The following DDHD2 variants were observed in gnomAD, a reference collection of about 807,000 sequenced individuals.
DDHD2 encodes DDHD domain containing 2, also known as triacylglycerol hydrolase DDHD2.
DDHD2 carries 62 observed loss-of-function variants against 91.2 expected under a neutral mutation model. The observed-to-expected ratio is 0.68, with a 90% CI of 0.55 to 0.84. The LOEUF (loss-of-function observed/expected upper bound fraction) is 0.84, where lower values mean the gene tolerates loss of function less well. DDHD2 is among the 40% of genes least tolerant of loss of function. The pLI, the probability that DDHD2 is intolerant of heterozygous loss-of-function variation, is 0.00. For missense variants in DDHD2, 740 were observed against 846.9 expected, an observed-to-expected ratio of 0.87 and a Z score of 1.57; for synonymous variants, 271 against 293.9, an observed-to-expected ratio of 0.92 and a Z score of 0.80.
intron 2 of DDHD2, among the ~76,000 whole-genome samples, chr8:38,233,927 C>CAA (rs201616340): frequency 5.3e-4 from 64 of 121,626 alleles, no homozygotes; most frequent in Middle Eastern, 4.3e-3. Context: ...AGACTTGTCT[C>CAA]AAAAAAAAAA....
chr8:38,246,309 G>A lies in DDHD2; in HGVS notation c.1125+9G>A. 3 of 1,596,118 alleles carry A rather than the reference G, an allele frequency of 1.9e-6. No individual in the cohort carries two copies. The highest frequency in any genetic ancestry group is 2.6e-6 in the Non-Finnish European group (3 of 1,166,286). ...ATATTGACAGTGAAAAGGTAATTTA[G>A]ATGTTCAGCTAGGTTTTCTTGTAGT... On this transcript the variant is annotated intron_variant, in intron 9 of 17. Transcript: ENST00000397166.
At chr8:38,257,559 T>C (rs1334899085) in intron 16 of DDHD2, among the ~76,000 whole-genome samples, 4 of 151,046 alleles carry the variant, frequency 2.6e-5, no homozygotes, top group Non-Finnish European at 5.9e-5. Context: ...AAAATTTTTA[T>C]TTTTATGTAA....
At chr8:38,240,442 G>C in intron 6 of DDHD2, 78 bp downstream of exon 6, 2 of 1,052,794 alleles carry the variant, frequency 1.9e-6, no homozygotes, top group Non-Finnish European at 2.8e-6. Context: ...TTGGTCTATT[G>C]TCTTAGCTGC....
chr8:38,268,674 A>T (rs1244340704), intron 1 of DDHD2: 3 of 1,431,236 alleles, frequency 2.1e-6, no homozygotes, highest in Non-Finnish European at 2.7e-6. Flanking sequence ...AGCGCCCGGG[A>T]AAACGTTGTC....
rs531846086 is a variant in DDHD2 at position 38,268,071 on chromosome 8, G to C, written n.88-3051G>C. On this transcript the variant is annotated intron_variant and non_coding_transcript_variant, in intron 1 of 1. Transcript: ENST00000526071. ...TCTGAGATGGATAGAATCCAACCAG[G>C]CCTGGGCACAAAAATAATTAGGGTC... 9.4e-5 allele frequency: 145 copies of C among 1,545,572 alleles called. 1 individual carries two copies. In the African/African-American group the frequency reaches 1.8e-3, roughly 19 times the overall value.
intron 14 of DDHD2, 51 bp from the exon 15 acceptor site, chr8:38,252,906 G>T: frequency 6.2e-7 from 1 of 1,607,910 alleles, no homozygotes; most frequent in South Asian, 1.1e-5. Context: ...AGCTATGTTG[G>T]ACCCTAAGCT....
chr8:38,247,816 A>G lies in DDHD2; in HGVS notation c.1229A>G (p.Lys410Arg). The change falls in exon 10 of 18, where the codon AAA (lysine) becomes AGA (arginine). Residue 410 changes from lysine to arginine, a missense_variant. Lys to Arg is a conservative substitution (Grantham distance 26). This residue lies in a region of DDHD2 where 693 missense variants were observed against 764.2 expected (regional missense o/e 0.91). Coordinates refer to ENST00000397166, the MANE Select transcript of DDHD2 (RefSeq NM_015214.3). Reference sequence around the variant, plus strand: ...TTCTTTGATATCTTTGAGAAGGAGAAAGTAGATAAGGAAGCTCTGGTAAAA... The same window carrying G: ...TTCTTTGATATCTTTGAGAAGGAGAGAGTAGATAAGGAAGCTCTGGTAAAA... ...SEFFDIFEKEKVDKEALALCT... is the reference protein window; with the variant it reads ...SEFFDIFEKERVDKEALALCT... The G allele has an allele frequency of 1.3e-6, 2 of 1,568,964 alleles. No homozygotes were observed.
downstream of DDHD2, chr8:38,264,089 T>G: frequency 1.0e-6 from 1 of 992,206 alleles, no homozygotes; most frequent in African/African-American, 1.7e-5. Flanking sequence ...CTAGAATTTC[T>G]TGTCTTGTGC....
chr8:38,260,007 T>A (rs1806860149), intron 16 of DDHD2, 33 bp from the exon 17 acceptor site: 1 of 1,387,194 alleles, frequency 7.2e-7, no homozygotes. Flanking sequence ...AAGTGTTAGT[T>A]CCTTTTCTCA....
At chr8:38,266,097 T>C, downstream of DDHD2, 1 of 1,586,628 alleles carries the variant, frequency 6.3e-7, no homozygotes, top group Non-Finnish European at 8.6e-7. Context: ...AGGAATAAAA[T>C]GAGTGAAATA....
chr8:38,267,688 GA>G (rs2130938474), downstream of DDHD2: 3 of 636,776 alleles, frequency 4.7e-6, no homozygotes, highest in East Asian at 8.3e-5. Context: ...CCGTTGGTGG[GA>G]AATGCTGTTC....
intron 4 of DDHD2, 35 bp downstream of exon 4, chr8:38,237,662 G>A (rs769338250): frequency 8.1e-7 from 1 of 1,234,700 alleles, no homozygotes; most frequent in East Asian, 2.4e-5. Flanking sequence ...GGGATAAAAA[G>A]TTAATTGCGC....
Position 38,233,077 on chromosome 8 carries a change from T to C in DDHD2, c.83T>C (p.Leu28Pro). Residue 28 changes from leucine (L) to proline (P), a missense_variant, in exon 2 of 18, where the codon CTA (leucine) becomes CCA (proline). Transcript: ENST00000397166. ...CCAAACTCATGTAGTTCCTTTGAGC[T>C]AATAGACATGGATGCTGGCAGCTTG... Reference protein sequence around the residue: ...PSPNSCSSFELIDMDAGSLYE... With the variant: ...PSPNSCSSFEPIDMDAGSLYE... The C allele has an allele frequency of 6.2e-7, 1 of 1,614,192 alleles. No individual in the cohort carries two copies. The highest frequency in any genetic ancestry group is 8.5e-7 in the Non-Finnish European group (1 of 1,180,018).
Position 38,245,857 on chromosome 8 carries a change from A to G in DDHD2, c.964A>G (p.Thr322Ala), listed in dbSNP as rs750851222. 1.2e-6 allele frequency: 2 copies of G among 1,614,216 alleles called. No individual in the cohort carries two copies. Among genetic ancestry groups the G allele is most frequent in the South Asian group, 1.1e-5 (1 of 91,092 alleles). ...CACCTACTGTCAGACTATTGTGGAC[A>G]CAGTTGCTTCTGAAATGAACCGAAT... ...SPTYCQTIVD[T>A]VASEMNRIYT... The change falls in exon 8 of 18, where the codon ACA becomes GCA. Residue 322 changes from threonine (T) to alanine (A), a missense_variant. Transcript: ENST00000397166.
At position 38,237,486 on chromosome 8, in the gene DDHD2, G is replaced by A; in HGVS notation, c.412-52G>A. On this transcript the variant is annotated intron_variant, in intron 3 of 17. Coordinates refer to ENST00000397166, the MANE Select transcript of DDHD2 (RefSeq NM_015214.3). ...CATAGTATTCTTGTTAATAGGTTCA[G>A]TTTAATAGGAAAGCTACTAGAGAAC... The A allele has an allele frequency of 3.4e-6, 3 of 870,054 alleles. No individual in the cohort carries two copies. The South Asian group carries it at 4.4e-5, about 13-fold the overall frequency. The allele number at this position is 870,054 out of a possible 1,614,324, so 53.9% of individuals were successfully genotyped here.
chr8:38,238,933 A>ATGTG (rs35242983), intron 5 of DDHD2: 1,527 of 151,902 alleles, frequency 0.01, 9 homozygotes, highest in Non-Finnish European at 0.017. Context: ...AGAAAAATAA[A>ATGTG]TGTGTGTGTG....
At chr8:38,268,819 G>C (rs2130955573) in intron 1 of DDHD2, 2 of 1,464,344 alleles carry the variant, frequency 1.4e-6, no homozygotes, top group East Asian at 5.2e-5. Context: ...GGTGGAAAAC[G>C]CACAGGTGCC....
chr8:38,233,281 C>G, intron 2 of DDHD2, 67 bp downstream of exon 2: 1 of 1,314,906 alleles, frequency 7.6e-7, no homozygotes, highest in Non-Finnish European at 1.1e-6. Context: ...TATAATGGTC[C>G]TTATAGTGAG....
At position 38,268,419 on chromosome 8, in the gene DDHD2, T is replaced by G. The variant is rs537134209; in HGVS notation, n.88-2703T>G. ...CTTGTGTCTGCCTTCTTGAGAAATT[T>G]GGCCAGGAAGATCAGAGACAGTGGA... On this transcript the variant is annotated intron_variant and non_coding_transcript_variant, in intron 1 of 1. Coordinates refer to the DDHD2 transcript ENST00000526071. The G allele has an allele frequency of 5.7e-6, 9 of 1,578,190 alleles. No individual in the cohort carries two copies. The South Asian group carries it at 9.3e-5, about 16-fold the overall frequency.
Sources: gnomAD v4.1 joint callset for allele counts (sites outside exome capture counted in the v4.1 genomes callset) on GRCh38, gnomAD v4.1.1 for gene constraint, gnomAD v4.1.1 regional missense constraint, MANE v1.5 for transcripts, NCBI Gene and HGNC (gene_info 2026-07-23, HGNC 2026-07-21) for gene names.